The following OR52E5 variants were observed in gnomAD, a reference collection of about 807,000 sequenced individuals.
The protein encoded by OR52E5 is olfactory receptor family 52 subfamily E member 5, also known as olfactory receptor 52E5.
chr11:5,893,648 T>C (rs190207155), intron 1 of OR52E5, among the ~76,000 whole-genome samples: 1 of 152,064 alleles, frequency 6.6e-6, no homozygotes, highest in Non-Finnish European at 1.5e-5. Flanking sequence ...TTTCAAGACC[T>C]ATGCACCTAT....
At chr11:5,896,521 G>C (rs1220948761) in intron 2 of OR52E5, among the ~76,000 whole-genome samples, 1 of 151,902 alleles carries the variant, frequency 6.6e-6, no homozygotes, top group South Asian at 2.1e-4. Flanking sequence ...TATTAATAGA[G>C]ATATGAAATA....
rs567894129 is a variant in OR52E5, at chr11:5,900,639, A to G, written c.-138A>G. 12 of 396,728 alleles carry G rather than the reference A, an allele frequency of 3.0e-5. No individual in the cohort carries two copies. The highest frequency in any genetic ancestry group is 4.4e-5 in the Non-Finnish European group (10 of 225,238). 24.6% of individuals were successfully genotyped at this position (396,728 alleles called of 1,614,324 possible). On this transcript the variant is annotated 5_prime_UTR_variant, in exon 3 of 3. An upstream start codon of the reference 5' UTR is lost. Coordinates refer to ENST00000610445, the MANE Select transcript of OR52E5 (RefSeq NM_001005166.5). Reference sequence around the variant, plus strand: ...TTCATATTCCCTCTCTAGGTCTCTTATGCTATATTATGGAGTTAAAGAATG... The same window carrying G: ...TTCATATTCCCTCTCTAGGTCTCTTGTGCTATATTATGGAGTTAAAGAATG...
At chr11:5,899,986 C>G (rs1285945300) in intron 2 of OR52E5, among the ~76,000 whole-genome samples, 1 of 152,158 alleles carries the variant, frequency 6.6e-6, no homozygotes, top group African/African-American at 2.4e-5. Flanking sequence ...GACAATTACA[C>G]TGCCACTATC....
intron 1 of OR52E5, among the ~76,000 whole-genome samples, 188 bp downstream of exon 1, chr11:5,893,458 C>G (rs1309291458): frequency 6.6e-6 from 1 of 151,796 alleles, no homozygotes; most frequent in African/African-American, 2.4e-5. Flanking sequence ...TAGTCAAGAA[C>G]AGACTATTAC....
In OR52E5 at chr11:5,901,416, G is replaced by A. The variant is rs1847251539; in HGVS notation, c.640G>A (p.Gly214Arg). The stretch of plus-strand genomic sequence containing the variant: ...GGGATACATTGACATTTCTGTGATT[G>A]GATTTTCCTATGTCCAGATCCTCCG... Reference protein sequence around the residue: ...SVGYIDISVIGFSYVQILRAV... With the variant: ...SVGYIDISVIRFSYVQILRAV... Residue 214 changes from glycine to arginine, a missense_variant, in exon 3 of 3, where the codon GGA becomes AGA. Gly to Arg is a moderately radical substitution (Grantham distance 125). Coordinates refer to ENST00000610445, the MANE Select transcript of OR52E5 (RefSeq NM_001005166.5). 5.0e-6 allele frequency: 2 copies of A among 401,418 alleles called. No individual in the cohort carries two copies. Among genetic ancestry groups the A allele is most frequent in the Non-Finnish European group, 8.8e-6 (2 of 226,340 alleles). 24.9% of individuals were successfully genotyped at this position (401,418 alleles called of 1,614,324 possible). A position where few individuals can be genotyped will look rare whatever the true frequency, so the allele number is the denominator to read the frequency against.
rs1847258217 is a variant in OR52E5 at position 5,901,751 on chromosome 11, T to C, written c.975T>C (p.Val325=). Residue 325 remains valine, a synonymous_variant, in exon 3 of 3, where the codon GTT becomes GTC. Transcript: ENST00000610445. ...DPKRIFHNNS[V]RQ is the part of the protein sequence containing the mutation. ...AGAGGATCTTCCACAACAATTCAGTTAGACAATAATGAGATCATAACAAAA... is the reference window on the plus strand; with the variant it reads ...AGAGGATCTTCCACAACAATTCAGTCAGACAATAATGAGATCATAACAAAA... 5.0e-6 allele frequency: 2 copies of C among 400,558 alleles called. No homozygotes were observed. The highest frequency in any genetic ancestry group is 8.8e-6 in the Non-Finnish European group (2 of 226,188). The allele number at this position is 400,558 out of a possible 1,614,324, so 24.8% of individuals were successfully genotyped here. A position where few individuals can be genotyped will look rare whatever the true frequency, so the allele number is the denominator to read the frequency against.
rs1386200498 is a variant in OR52E5, at chr11:5,899,515, G to A, written c.-145-1117G>A. Reference sequence around the variant, plus strand: ...GCCTGCATTATAGCCAAGTCATAGGGATAGTTTTTCTTTAGGATTAGTAGC... The same window carrying A: ...GCCTGCATTATAGCCAAGTCATAGGAATAGTTTTTCTTTAGGATTAGTAGC... On this transcript the variant is annotated intron_variant, in intron 2 of 2. Transcript: ENST00000610445. Among the ~76,000 whole-genome samples, 5 of 152,178 alleles carry A rather than the reference G, an allele frequency of 3.3e-5. No individual in the cohort carries two copies. The East Asian group carries it at 9.6e-4, about 29-fold the overall frequency.
intron 2 of OR52E5, among the ~76,000 whole-genome samples, chr11:5,896,795 T>C (rs1847182026): frequency 6.6e-6 from 1 of 152,204 alleles, no homozygotes; most frequent in Non-Finnish European, 1.5e-5. Flanking sequence ...GCAGTAGCTA[T>C]TGAGTAAGAT....
intron 2 of OR52E5, among the ~76,000 whole-genome samples, chr11:5,896,246 TAAAAAAAAA>T (rs56197568): frequency 0.024 from 1,275 of 53,546 alleles, 12 homozygotes; most frequent in South Asian, 0.041. Context: ...TCGTCTCTAC[TAAAAAAAAA>T]AAAAAAAAAA....
chr11:5,901,167 C>T lies in OR52E5; in HGVS notation c.391C>T (p.Pro131Ser). The change falls in exon 3 of 3, where the codon CCC becomes TCC. Residue 131 changes from proline (P) to serine (S), a missense_variant. Transcript: ENST00000610445. ...GIDRYIAICN[P>S]LRYSMILTNK... ...AGATCGCTATATTGCCATCTGCAAC[C>T]CCCTGAGATATAGCATGATCCTTAC... The T allele has an allele frequency of 5.0e-6, 2 of 401,412 alleles. No homozygotes were observed. 24.9% of individuals were successfully genotyped at this position (401,412 alleles called of 1,614,324 possible). A position where few individuals can be genotyped will look rare whatever the true frequency, so the allele number is the denominator to read the frequency against.
intron 1 of OR52E5, among the ~76,000 whole-genome samples, chr11:5,894,999 T>C (rs1267512092): frequency 6.6e-6 from 1 of 151,970 alleles, no homozygotes; most frequent in Non-Finnish European, 1.5e-5. Context: ...TAATCTGATT[T>C]CAAAAATTAT....
chr11:5,899,590 C>CATGGCACTGATATGGAT (rs1438853495), intron 2 of OR52E5, among the ~76,000 whole-genome samples: 4 of 152,166 alleles, frequency 2.6e-5, no homozygotes, highest in African/African-American at 9.7e-5. Flanking sequence ...TAATTTGACC[C>CATGGCACTGATATGGAT]ATGGCACTGA....
In OR52E5 at chr11:5,901,456, T is replaced by A; in HGVS notation, c.680T>A (p.Leu227His). 2.5e-6 allele frequency: 1 copy of A among 401,704 alleles called. No homozygotes were observed. Among genetic ancestry groups the A allele is most frequent in the Non-Finnish European group, 4.4e-6 (1 of 226,378 alleles). The allele number at this position is 401,704 out of a possible 1,614,324, so 24.9% of individuals were successfully genotyped here. ...YVQILRAVFH[L>H]PAWDARPKAL... ...CAGATCCTCCGAGCTGTCTTCCATC[T>A]CCCAGCCTGGGATGCCCGGCCTAAG... is the stretch of plus-strand genomic sequence containing the variant. Residue 227 changes from leucine to histidine, a missense_variant, in exon 3 of 3, where the codon CTC becomes CAC. By Grantham distance (99) the Leu-to-His change is moderately conservative. Coordinates refer to ENST00000610445, the MANE Select transcript of OR52E5 (RefSeq NM_001005166.5).
chr11:5,893,617 G>T (rs73398275), intron 1 of OR52E5, among the ~76,000 whole-genome samples: 4,159 of 152,044 alleles, frequency 0.027, 204 homozygotes, highest in African/African-American at 0.093. Flanking sequence ...TCATTCCCTG[G>T]TTATAGCTGT....
intron 1 of OR52E5, among the ~76,000 whole-genome samples, chr11:5,894,483 A>G (rs556654650): frequency 1.3e-5 from 2 of 152,324 alleles, no homozygotes; most frequent in African/African-American, 4.8e-5. Flanking sequence ...GAGGCAGGCT[A>G]TGTAGATTGT....
chr11:5,901,427 T>A lies in OR52E5; in HGVS notation c.651T>A (p.Tyr217Ter). 1 of 401,670 alleles carries A rather than the reference T, an allele frequency of 2.5e-6. No individual in the cohort carries two copies. Among genetic ancestry groups the A allele is most frequent in the Non-Finnish European group, 4.4e-6 (1 of 226,342 alleles). The allele number at this position is 401,670 out of a possible 1,614,324, so 24.9% of individuals were successfully genotyped here. A position where few individuals can be genotyped will look rare whatever the true frequency, so the allele number is the denominator to read the frequency against. Residue 217 changes from tyrosine (Y) to a stop codon, truncating the protein, a stop_gained, in exon 3 of 3, where the codon TAT becomes TAA. Transcript: ENST00000610445. LOFTEE classifies it low-confidence loss of function (END_TRUNC). ...ACATTTCTGTGATTGGATTTTCCTA[T>A]GTCCAGATCCTCCGAGCTGTCTTCC... Reference protein sequence around the residue: ...YIDISVIGFSYVQILRAVFHL... With the variant: ...YIDISVIGFS
chr11:5,895,522 T>C (rs1234280284), intron 1 of OR52E5, 110 bp from the exon 2 acceptor site: 1 of 152,230 alleles, frequency 6.6e-6, no homozygotes, highest in African/African-American at 2.4e-5. Flanking sequence ...TATAGCTTAT[T>C]CATTAATACA....
rs1847255851 is a variant in OR52E5, at chr11:5,901,610, G to A, written c.834G>A (p.Leu278=). 2.5e-6 allele frequency: 1 copy of A among 401,388 alleles called. No homozygotes were observed. The highest frequency in any genetic ancestry group is 4.4e-5 in the Admixed American group (1 of 22,696). The allele number at this position is 401,388 out of a possible 1,614,324, so 24.9% of individuals were successfully genotyped here. Reference sequence around the variant, plus strand: ...ACATCCACATTCTTCTGGCCAATCTGTATGTGGTTTTTCCCCCTGCTCTTA... The same window carrying A: ...ACATCCACATTCTTCTGGCCAATCTATATGTGGTTTTTCCCCCTGCTCTTA... ...PHYIHILLAN[L]YVVFPPALNS... is the part of the protein sequence containing the mutation. Residue 278 remains leucine (L), a synonymous_variant, in exon 3 of 3, where the codon CTG becomes CTA. Transcript: ENST00000610445.
chr11:5,893,752 C>T (rs371851132), intron 1 of OR52E5, among the ~76,000 whole-genome samples: 16 of 152,148 alleles, frequency 1.1e-4, no homozygotes, highest in African/African-American at 3.4e-4. Context: ...CATCTGAGGT[C>T]ATGTCGCATC....
Sources: gnomAD v4.1 joint callset for allele counts (sites outside exome capture counted in the v4.1 genomes callset) on GRCh38, gnomAD v4.1.1 for gene constraint, MANE v1.5 for transcripts, NCBI Gene and HGNC (gene_info 2026-07-23, HGNC 2026-07-21) for gene names.